Variants in MAP4 observed in about 807,000 individuals in gnomAD.
MAP4 encodes the protein microtubule-associated protein 4.
Under a neutral mutation model 170.2 loss-of-function variants are expected in MAP4, and 76 were observed. The observed-to-expected ratio is 0.45, with a 90% CI of 0.37 to 0.54. The LOEUF (loss-of-function observed/expected upper bound fraction) is 0.54. Among genes scored for constraint, MAP4 ranks in the 20% least tolerant of loss-of-function variants. The pLI, the probability that MAP4 is intolerant of heterozygous loss-of-function variation, is 0.00. For missense variants in MAP4, 2,506 were observed against 2,748.0 expected, an observed-to-expected ratio of 0.91 and a Z score of 1.97; for synonymous variants, 909 against 994.5, an observed-to-expected ratio of 0.91 and a Z score of 1.62.
At chr3:48,046,424 T>C (rs1472047249) in intron 1 of MAP4, among the ~76,000 whole-genome samples, 2 of 152,216 alleles carry the variant, frequency 1.3e-5, no homozygotes, top group Non-Finnish European at 2.9e-5. Flanking sequence ...AACCAAACCA[T>C]GGTAAGTGAA....
intron 3 of MAP4, among the ~76,000 whole-genome samples, chr3:47,929,131 C>T (rs989245843): frequency 6.6e-6 from 1 of 152,028 alleles, no homozygotes; most frequent in Non-Finnish European, 1.5e-5. Flanking sequence ...AGGCAGGCAG[C>T]TCACTTTGAG....
At chr3:48,010,527 T>C (rs2100104699) in intron 1 of MAP4, among the ~76,000 whole-genome samples, 1 of 152,254 alleles carries the variant, frequency 6.6e-6, no homozygotes, top group South Asian at 2.1e-4. Context: ...TTTTATTACA[T>C]TAGGTGTAAT....
Position 47,871,084 on chromosome 3 carries a change from C to A in MAP4, c.6023G>T (p.Ser2008Ile). 6.2e-7 allele frequency: 1 copy of A among 1,607,440 alleles called. No individual in the cohort carries two copies. The highest frequency in any genetic ancestry group is 8.5e-7 in the Non-Finnish European group (1 of 1,175,232). Reference sequence around the variant, plus strand: ...TTTCTTCATGGAACTGGTGGAGGTGCTCTTTGGGCGACTCAAGTCAGCTGC... The same window carrying A: ...TTTCTTCATGGAACTGGTGGAGGTGATCTTTGGGCGACTCAAGTCAGCTGC... The part of the protein sequence containing the change: ...SVPADLSRPK[S>I]TSTSSMKKTT... The change falls in exon 15 of 21, where the codon AGC becomes ATC. Residue 2008 changes from serine to isoleucine, a missense_variant. Physicochemically the swap from Ser to Ile is moderately radical, Grantham distance 142. Coordinates refer to ENST00000683076, the MANE Select transcript of MAP4 (RefSeq NM_001385682.1).
At chr3:48,066,597 G>A (rs1299845539) in intron 1 of MAP4, among the ~76,000 whole-genome samples, 4 of 151,898 alleles carry the variant, frequency 2.6e-5, no homozygotes, top group Non-Finnish European at 5.9e-5. Context: ...GGGTTCAAGT[G>A]ATTCTCGTGC....
At position 48,073,152 on chromosome 3, in the gene MAP4, G is replaced by C. The variant is rs578103770; in HGVS notation, c.-20+15621C>G. On this transcript the variant is annotated intron_variant, in intron 1 of 18. Coordinates refer to the MAP4 transcript ENST00000360240. ...TTGAACCTGGGAAGCAGAGGTTACA[G>C]TGAGCAGAGATTGTGCCACTGCACT... Among the ~76,000 whole-genome samples, 7 of 152,084 alleles carry C rather than the reference G, an allele frequency of 4.6e-5. No homozygotes were observed. In the South Asian group the frequency reaches 1.3e-3, roughly 27 times the overall value.
At chr3:47,927,138 GAC>G (rs2100046468) in intron 4 of MAP4, among the ~76,000 whole-genome samples, 1 of 140,502 alleles carries the variant, frequency 7.1e-6, no homozygotes, top group African/African-American at 2.8e-5. Context: ...CAGCCAGGGT[GAC>G]AGAGCAAGAC....
chr3:47,998,201 C>T (rs1226312931), intron 2 of MAP4, among the ~76,000 whole-genome samples: 1 of 152,116 alleles, frequency 6.6e-6, no homozygotes, highest in African/African-American at 2.4e-5. Flanking sequence ...ACATCTGATC[C>T]AGGAAAATGG....
At chr3:47,952,247 C>T (rs1037872705) in intron 3 of MAP4, among the ~76,000 whole-genome samples, 4 of 151,336 alleles carry the variant, frequency 2.6e-5, no homozygotes, top group Admixed American at 6.6e-5. Context: ...CCGCCCCGTC[C>T]GGGAGGGAGG....
chr3:47,916,756 T>G lies in MAP4; in HGVS notation c.1071A>C (p.Ala357=), dbSNP rs1236656511. The change falls in exon 7 of 21, where the codon GCA becomes GCC. Residue 357 remains alanine (A), a synonymous_variant. Transcript: ENST00000683076. The stretch of plus-strand genomic sequence containing the variant: ...GGGCTAAGTCCATTTTTATAGGAGA[T>G]GCCCTCTCTGTTTCTTTCAACAGTG... ...DVTLLKETER[A]SPIKMDLAPS... is the part of the protein sequence containing the mutation. The G allele has an allele frequency of 6.2e-7, 1 of 1,614,176 alleles. No individual in the cohort carries two copies. The highest frequency in any genetic ancestry group is 8.5e-7 in the Non-Finnish European group (1 of 1,180,018).
At chr3:47,964,047 A>G (rs2100073313) in intron 3 of MAP4, among the ~76,000 whole-genome samples, 1 of 152,206 alleles carries the variant, frequency 6.6e-6, no homozygotes, top group East Asian at 1.9e-4. Context: ...AACACCATGA[A>G]GCAAAGTAAG....
intron 1 of MAP4, among the ~76,000 whole-genome samples, chr3:48,033,721 C>G (rs1259864662): frequency 6.6e-6 from 1 of 152,136 alleles, no homozygotes; most frequent in Non-Finnish European, 1.5e-5. Context: ...CTGCCTCAGC[C>G]TCCAGAGTAG....
intron 11 of MAP4, 170 bp downstream of exon 11, chr3:47,877,247 C>T: frequency 1.7e-6 from 1 of 577,630 alleles, no homozygotes; most frequent in East Asian, 3.0e-5. Context: ...TTGGTTTAGG[C>T]CACTGTGGTA....
chr3:48,078,274 G>A (rs1445914005), intron 1 of MAP4, among the ~76,000 whole-genome samples: 2 of 150,272 alleles, frequency 1.3e-5, no homozygotes, highest in East Asian at 3.9e-4. Flanking sequence ...CCTCCCAAGA[G>A]TCTGGGACTA....
At chr3:47,936,577 A>ATG (rs2100053003) in intron 3 of MAP4, among the ~76,000 whole-genome samples, 1 of 152,214 alleles carries the variant, frequency 6.6e-6, no homozygotes, top group Non-Finnish European at 1.5e-5. Flanking sequence ...AGTTCTTATA[A>ATG]TGGCACACGT....
rs2086289488 is a variant in MAP4, at chr3:47,869,224, G to A, written c.6398C>T (p.Pro2133Leu). ...AGPIASAQKQ[P>L]AGKVQIVSKK... is the part of the protein sequence containing the mutation. ...CTAAATAAAACTCACTTTCCCCGCA[G>A]GTTGTTTCTGTGCACTTGCAATTGG... The change falls in exon 16 of 21, where the codon CCT (proline) becomes CTT (leucine). Residue 2133 changes from proline (P) to leucine (L), a missense_variant. This residue lies in a region of MAP4 where 487 missense variants were observed against 511.6 expected (regional missense o/e 0.95). Transcript: ENST00000683076. 6 of 1,611,530 alleles carry A rather than the reference G, an allele frequency of 3.7e-6. No individual in the cohort carries two copies. The highest frequency in any genetic ancestry group is 5.1e-6 in the Non-Finnish European group (6 of 1,177,616).
chr3:47,914,362 A>G (rs1193405679), intron 8 of MAP4, among the ~76,000 whole-genome samples: 1 of 152,084 alleles, frequency 6.6e-6, no homozygotes, highest in Non-Finnish European at 1.5e-5. Context: ...GTTTGAGACC[A>G]GCCTGGCCAA....
At chr3:48,050,103 T>C (rs948101383) in intron 1 of MAP4, among the ~76,000 whole-genome samples, 7 of 147,640 alleles carry the variant, frequency 4.7e-5, no homozygotes, top group African/African-American at 1.3e-4. Flanking sequence ...CTACTAAAAA[T>C]ACAAAAAGTA....
intron 10 of MAP4, chr3:47,891,921 C>G (rs1373559748): frequency 1.3e-6 from 2 of 1,536,160 alleles, no homozygotes; most frequent in Non-Finnish European, 1.7e-6. Context: ...CCTTGAGCCA[C>G]TGGATGAAAG....
intron 10 of MAP4, among the ~76,000 whole-genome samples, chr3:47,887,471 C>T (rs532520660): frequency 2.0e-4 from 30 of 152,346 alleles, no homozygotes; most frequent in African/African-American, 7.0e-4. Flanking sequence ...CTGCAGCCCG[C>T]CATGCCTCAG....
Sources: gnomAD v4.1 joint callset for allele counts (sites outside exome capture counted in the v4.1 genomes callset) on GRCh38, gnomAD v4.1.1 for gene constraint, gnomAD v4.1.1 regional missense constraint, MANE v1.5 for transcripts, NCBI Gene and HGNC (gene_info 2026-07-23, HGNC 2026-07-21) for gene names.